Variants in CASK observed in about 807,000 individuals in gnomAD.
CASK encodes calcium/calmodulin dependent serine protein kinase, also known as peripheral plasma membrane protein CASK.
CASK carries 4 observed loss-of-function variants against 82.9 expected under a neutral mutation model. That is an observed-to-expected ratio of 0.05 (90% CI 0.02 to 0.11). CASK has a LOEUF of 0.11. Ranked by LOEUF, CASK falls within the 10% of genes least tolerant of loss-of-function variation. The pLI is 1.00. For synonymous variants in CASK, 259 were observed against 253.5 expected (o/e 1.02, Z -0.20); for missense variants, 358 against 720.9 (o/e 0.50, Z 5.76).
At chrX:41,881,243 A>C (rs1035265935) in intron 1 of CASK, among the ~76,000 whole-genome samples, 1 of 111,686 alleles carries the variant, frequency 9.0e-6, no homozygotes, top group Non-Finnish European at 1.9e-5. Flanking sequence ...ACTGCAGTAT[A>C]CTAGTAGAAA....
At chrX:41,675,529 A>T (rs1402906295) in intron 5 of CASK, among the ~76,000 whole-genome samples, 2 of 112,297 alleles carry the variant, frequency 1.8e-5, no homozygotes, top group Non-Finnish European at 3.8e-5. Flanking sequence ...AAAATTCCAC[A>T]TCCCCATATT....
chrX:41,788,026 G>A (rs754730204), intron 2 of CASK, among the ~76,000 whole-genome samples: 9 of 108,576 alleles, frequency 8.3e-5, no homozygotes, highest in East Asian at 5.7e-4. Context: ...GCATGGTGGC[G>A]GGCACCTGTA....
At chrX:41,743,998 T>C (rs1208354441) in intron 4 of CASK, among the ~76,000 whole-genome samples, 3 of 109,037 alleles carry the variant, frequency 2.8e-5, no homozygotes, top group African/African-American at 1.0e-4. Flanking sequence ...TAATCCCAGC[T>C]ACTTGGGAGG....
intron 5 of CASK, among the ~76,000 whole-genome samples, chrX:41,681,335 C>T (rs969426480): frequency 5.4e-5 from 6 of 111,887 alleles, no homozygotes; most frequent in Admixed American, 3.8e-4. Flanking sequence ...AGACTGTAAA[C>T]GGTGCCATTC....
intron 2 of CASK, among the ~76,000 whole-genome samples, chrX:41,818,306 C>T (rs748264593): frequency 1.0e-4 from 11 of 110,330 alleles, no homozygotes; most frequent in South Asian, 7.8e-4. Flanking sequence ...GATTTCAAGA[C>T]GTATAAAACT....
intron 1 of CASK, among the ~76,000 whole-genome samples, chrX:41,878,151 A>G (rs2071867923): frequency 9.2e-6 from 1 of 109,149 alleles, no homozygotes; most frequent in Admixed American, 9.8e-5. Flanking sequence ...ATCACATAAT[A>G]GCACAAAATA....
intron 5 of CASK, chrX:41,727,386 C>T: frequency 2.5e-6 from 3 of 1,209,989 alleles, no homozygotes; most frequent in Non-Finnish European, 3.4e-6. Context: ...GCTATGCTAC[C>T]TTAATGCAAA....
At chrX:41,663,178 T>A (rs1448307629) in intron 7 of CASK, among the ~76,000 whole-genome samples, 1 of 111,594 alleles carries the variant, frequency 9.0e-6, no homozygotes, top group African/African-American at 3.3e-5. Context: ...TATACTATTC[T>A]CTCTACTATT....
chrX:41,770,313 T>TACCTATCCATCCATCC (rs1242733681), intron 3 of CASK, among the ~76,000 whole-genome samples: 3 of 95,935 alleles, frequency 3.1e-5, no homozygotes, highest in African/African-American at 1.2e-4. Flanking sequence ...CCTACCTACC[T>TACCTATCCATCCATCC]ATCCATCCAT....
chrX:41,731,608 T>A (rs2068397573), intron 5 of CASK, among the ~76,000 whole-genome samples: 1 of 112,198 alleles, frequency 8.9e-6, no homozygotes, highest in Non-Finnish European at 1.9e-5. Flanking sequence ...CATTTTAATT[T>A]CCTATACTGA....
intron 2 of CASK, among the ~76,000 whole-genome samples, chrX:41,795,486 T>C (rs2069834110): frequency 9.1e-6 from 1 of 110,475 alleles, no homozygotes; most frequent in Admixed American, 9.7e-5. Flanking sequence ...GGCAACATGG[T>C]GAAACCCTGT....
chrX:41,904,626 A>G (rs2072438733), intron 1 of CASK, among the ~76,000 whole-genome samples: 1 of 110,738 alleles, frequency 9.0e-6, no homozygotes, highest in African/African-American at 3.3e-5. Context: ...TCCAACTTTT[A>G]TTTTAGGTTC....
intron 5 of CASK, among the ~76,000 whole-genome samples, chrX:41,726,046 T>C (rs1261763650): frequency 8.9e-6 from 1 of 112,575 alleles, no homozygotes; most frequent in Admixed American, 9.4e-5. Flanking sequence ...GGTTTCACCA[T>C]GTTGCCCAGG....
At chrX:41,594,547 GC>G (rs2147244137) in intron 12 of CASK, among the ~76,000 whole-genome samples, 1 of 112,125 alleles carries the variant, frequency 8.9e-6, no homozygotes, top group Admixed American at 9.4e-5. Flanking sequence ...TTGACATGTA[GC>G]ATTTGGGGTC....
chrX:41,624,119 G>T, intron 10 of CASK: 1 of 293,773 alleles, frequency 3.4e-6, no homozygotes, highest in Admixed American at 3.7e-5. Context: ...TACAGCCACA[G>T]TATGACAATA....
intron 1 of CASK, among the ~76,000 whole-genome samples, chrX:41,863,525 C>T (rs188247580): frequency 1.3e-3 from 141 of 112,377 alleles, no homozygotes; most frequent in African/African-American, 4.0e-3. Flanking sequence ...AGATAACAAA[C>T]AGGAAGGCCT....
intron 16 of CASK, chrX:41,562,571 C>T (rs983615313): frequency 9.0e-6 from 1 of 111,252 alleles, no homozygotes; most frequent in Admixed American, 9.6e-5. Context: ...AAGTAAATTA[C>T]AAAAAGATAT....
chrX:41,766,767 G>T (rs1393360199), intron 3 of CASK, among the ~76,000 whole-genome samples: 2 of 111,198 alleles, frequency 1.8e-5, no homozygotes, highest in Non-Finnish European at 3.8e-5. Context: ...CGCACCTGTA[G>T]TCCCAGCTAC....
At chrX:41,738,055 A>G (rs1456587447) in intron 5 of CASK, among the ~76,000 whole-genome samples, 1 of 113,165 alleles carries the variant, frequency 8.8e-6, no homozygotes, top group Admixed American at 9.3e-5. Context: ...GCTCACTGCA[A>G]CCTGTGCCTC....
Sources: allele counts gnomAD v4.1 joint callset (sites outside exome capture counted in the v4.1 genomes callset), GRCh38; gene constraint gnomAD v4.1.1; transcripts MANE v1.5; gene names NCBI Gene and HGNC (gene_info 2026-07-23, HGNC 2026-07-21).